Variants in MEF2C observed in about 807,000 individuals in gnomAD.
MEF2C encodes myocyte-specific enhancer factor 2C.
Under a neutral mutation model 50.5 loss-of-function variants are expected in MEF2C, and 6 were observed. The ratio of observed to expected loss-of-function variants is 0.12; its 90% CI spans 0.07 to 0.23. The LOEUF (loss-of-function observed/expected upper bound fraction) is 0.23, where lower values mean the gene tolerates loss of function less well. Among genes scored for constraint, MEF2C ranks in the 10% least tolerant of loss-of-function variants. MEF2C has a pLI of 1.00. For missense variants in MEF2C, 276 were observed against 605.0 expected (o/e 0.46, Z 5.70); for synonymous variants, 183 against 228.0 (o/e 0.80, Z 1.78).
intron 1 of MEF2C, among the ~76,000 whole-genome samples, chr5:88,873,651 T>G (rs1830188243): frequency 6.7e-6 from 1 of 149,322 alleles, no homozygotes; most frequent in South Asian, 2.1e-4. Flanking sequence ...AGGGAAACAA[T>G]TAATGGGTAC....
At chr5:88,778,154 C>T (rs1580527006) in intron 3 of MEF2C, among the ~76,000 whole-genome samples, 1 of 151,938 alleles carries the variant, frequency 6.6e-6, no homozygotes, top group African/African-American at 2.4e-5. Context: ...GTGATCCACC[C>T]GCCTCAGCCT....
intron 1 of MEF2C, among the ~76,000 whole-genome samples, chr5:88,873,511 T>G (rs190726217): frequency 5.3e-5 from 8 of 152,076 alleles, no homozygotes; most frequent in Non-Finnish European, 7.4e-5. Flanking sequence ...AGTCAAGAAT[T>G]CTCTGATTTT....
intron 1 of MEF2C, among the ~76,000 whole-genome samples, chr5:88,845,001 T>C (rs1818787955): frequency 6.6e-6 from 1 of 152,228 alleles, no homozygotes; most frequent in Non-Finnish European, 1.5e-5. Context: ...AAGAGTTCTG[T>C]GTATGAAAAT....
chr5:88,720,638 T>A lies in MEF2C; in HGVS notation c.*1966A>T, dbSNP rs879601060. ...GTATGTCAATGCATATGATTGGAGA[T>A]GAATCGACAGATCTTCACATTCCAA... On this transcript the variant is annotated 3_prime_UTR_variant, in exon 11 of 11. Transcript: ENST00000504921. 7 of 152,554 alleles carry A rather than the reference T, an allele frequency of 4.6e-5. No individual in the cohort carries two copies. Among genetic ancestry groups the A allele is most frequent in the Non-Finnish European group, 5.9e-5 (4 of 68,004 alleles). 9.5% of individuals were successfully genotyped at this position (152,554 alleles called of 1,614,324 possible).
intron 3 of MEF2C, among the ~76,000 whole-genome samples, chr5:88,791,751 T>C (rs1793859030): frequency 6.6e-6 from 1 of 152,098 alleles, no homozygotes; most frequent in African/African-American, 2.4e-5. Context: ...TCTTTAAGAC[T>C]TTGGGGAACA....
chr5:88,795,772 G>A (rs1795780134), intron 3 of MEF2C, among the ~76,000 whole-genome samples: 1 of 152,110 alleles, frequency 6.6e-6, no homozygotes, highest in African/African-American at 2.4e-5. Flanking sequence ...TATTGGCTGT[G>A]GGTTTGTCAT....
intron 3 of MEF2C, among the ~76,000 whole-genome samples, chr5:88,788,190 A>G (rs1028617110): frequency 1.8e-4 from 25 of 141,978 alleles, no homozygotes; most frequent in African/African-American, 6.2e-4. Context: ...TTATTTATTT[A>G]TTTATTTATT....
At chr5:88,813,081 T>C (rs1343763905) in intron 2 of MEF2C, among the ~76,000 whole-genome samples, 2 of 152,176 alleles carry the variant, frequency 1.3e-5, no homozygotes, top group African/African-American at 4.8e-5. Flanking sequence ...TTCTAGGTTC[T>C]GACAGTAAAT....
chr5:88,783,780 C>T (rs554801574), intron 3 of MEF2C, among the ~76,000 whole-genome samples: 9 of 152,284 alleles, frequency 5.9e-5, no homozygotes, highest in African/African-American at 1.2e-4. Context: ...GTTCTCATTA[C>T]GTTGTTTTGT....
intron 1 of MEF2C, among the ~76,000 whole-genome samples, chr5:88,845,289 G>C (rs1207188520): frequency 6.6e-6 from 1 of 152,136 alleles, no homozygotes; most frequent in Non-Finnish European, 1.5e-5. Context: ...AATTCAGGAA[G>C]GAAAAGTTTT....
At chr5:88,855,678 G>A (rs534082910) in intron 1 of MEF2C, among the ~76,000 whole-genome samples, 3 of 152,234 alleles carry the variant, frequency 2.0e-5, no homozygotes, top group African/African-American at 7.2e-5. Flanking sequence ...GAGATCTGAT[G>A]GTTTTATAAG....
At chr5:88,815,009 G>A (rs910198904) in intron 2 of MEF2C, among the ~76,000 whole-genome samples, 1 of 152,008 alleles carries the variant, frequency 6.6e-6, no homozygotes, top group African/African-American at 2.4e-5. Flanking sequence ...AAGTCTGCCT[G>A]GTTTGTTAAA....
At chr5:88,793,872 C>T (rs1176203640) in intron 3 of MEF2C, among the ~76,000 whole-genome samples, 5 of 152,040 alleles carry the variant, frequency 3.3e-5, no homozygotes, top group Non-Finnish European at 7.3e-5. Context: ...TCAACTCCCA[C>T]TTATGAGTGA....
chr5:88,828,851 G>A (rs904529180), intron 1 of MEF2C, among the ~76,000 whole-genome samples: 4 of 151,934 alleles, frequency 2.6e-5, no homozygotes, highest in South Asian at 4.1e-4. Flanking sequence ...GCTCGACTGC[G>A]TGATGTCTTG....
At chr5:88,789,340 T>A (rs1304802869) in intron 3 of MEF2C, among the ~76,000 whole-genome samples, 1 of 151,978 alleles carries the variant, frequency 6.6e-6, no homozygotes, top group Non-Finnish European at 1.5e-5. Flanking sequence ...CTAATTTATT[T>A]TTATTTTTGT....
intron 3 of MEF2C, among the ~76,000 whole-genome samples, chr5:88,789,330 C>G (rs75815134): frequency 6.6e-6 from 1 of 151,950 alleles, no homozygotes; most frequent in Non-Finnish European, 1.5e-5. Flanking sequence ...CCACATCCAG[C>G]TAATTTATTT....
chr5:88,845,488 C>G (rs1818977669), intron 1 of MEF2C, among the ~76,000 whole-genome samples: 1 of 152,090 alleles, frequency 6.6e-6, no homozygotes. Flanking sequence ...ACCACTAAAT[C>G]TGAGATTACA....
intron 4 of MEF2C, among the ~76,000 whole-genome samples, chr5:88,757,062 C>T (rs184299801): frequency 4.5e-4 from 69 of 152,098 alleles, no homozygotes; most frequent in African/African-American, 1.6e-3. Flanking sequence ...CCTATGAGAA[C>T]AGGGCCAAGT....
intron 6 of MEF2C, chr5:88,746,472 C>T (rs1270966015): frequency 1.6e-5 from 15 of 962,928 alleles, no homozygotes; most frequent in Non-Finnish European, 1.7e-5. Context: ...AGTGAGATGA[C>T]TTGATTTAGA....
Sources: allele counts gnomAD v4.1 joint callset (sites outside exome capture counted in the v4.1 genomes callset), GRCh38; gene constraint gnomAD v4.1.1; transcripts MANE v1.5; gene names NCBI Gene and HGNC (gene_info 2026-07-23, HGNC 2026-07-21).